Variants in SERTM1 observed in about 807,000 individuals in gnomAD.
SERTM1 encodes serine-rich and transmembrane domain-containing protein 1.
Under a neutral mutation model 5.5 loss-of-function variants are expected in SERTM1, and 1 was observed. The ratio of observed to expected loss-of-function variants is 0.18; its 90% CI spans 0.06 to 0.86. SERTM1 has a LOEUF of 0.86. Among genes scored for constraint, SERTM1 ranks in the 40% least tolerant of loss-of-function variants. The pLI is 0.69. For synonymous variants in SERTM1, 52 were observed against 55.1 expected (o/e 0.94, Z 0.25); for missense variants, 91 against 122.4 (o/e 0.74, Z 1.21).
Position 36,678,679 on chromosome 13 carries a change from T to TTATATATATATATATATATATA in SERTM1, c.-174+4511_-174+4512insTATATATATATATATATATATA, listed in dbSNP as rs765476413. ...CCTGGAACTTAAAATAAAATAAAAT[T>TTATATATATATATATATATATA]TATATATATATATATAAAATATAGT... On this transcript the variant is annotated intron_variant, in intron 1 of 1. Transcript: ENST00000315190. 9.0e-4 allele frequency among the ~76,000 whole-genome samples: 121 copies of TTATATATATATATATATATATA among 133,710 alleles called. 4 individuals carry two copies. Among genetic ancestry groups the TTATATATATATATATATATATA allele is most frequent in the African/African-American group, 1.7e-3 (62 of 35,528 alleles). 87.7% of individuals were successfully genotyped at this position (133,710 alleles called of 152,430 possible). A position where few individuals can be genotyped will look rare whatever the true frequency, so the allele number is the denominator to read the frequency against.
intron 1 of SERTM1, among the ~76,000 whole-genome samples, chr13:36,679,719 C>A (rs1486159605): frequency 6.6e-6 from 1 of 152,112 alleles, no homozygotes; most frequent in Non-Finnish European, 1.5e-5. Context: ...CTTAGTTACC[C>A]TTGAACACAT....
At chr13:36,675,706 C>T (rs565154112) in intron 1 of SERTM1, among the ~76,000 whole-genome samples, 29 of 152,270 alleles carry the variant, frequency 1.9e-4, no homozygotes, top group Non-Finnish European at 1.6e-4. Context: ...ATCTGTAAAG[C>T]AAATTGCCTT....
rs2056819836 is a variant in SERTM1 at position 36,697,145 on chromosome 13, A to C, written c.*1743A>C. On this transcript the variant is annotated 3_prime_UTR_variant, in exon 2 of 2. Transcript: ENST00000315190. Reference sequence around the variant, plus strand: ...CAGAGTTGCTGCCCTAAAATGTATAATTAGTGAAAAATTTACCTCTGCTTC... The same window carrying C: ...CAGAGTTGCTGCCCTAAAATGTATACTTAGTGAAAAATTTACCTCTGCTTC... 6.0e-6 allele frequency: 1 copy of C among 166,886 alleles called. No homozygotes were observed. The highest frequency in any genetic ancestry group is 1.5e-5 in the Non-Finnish European group (1 of 68,076). 10.3% of individuals were successfully genotyped at this position (166,886 alleles called of 1,614,324 possible).
At chr13:36,680,502 G>C (rs912941900) in intron 1 of SERTM1, among the ~76,000 whole-genome samples, 2 of 152,136 alleles carry the variant, frequency 1.3e-5, no homozygotes, top group African/African-American at 2.4e-5. Context: ...GGTTGGAAAG[G>C]GGGTGCTAGG....
chr13:36,679,079 CAT>C (rs1213347752), intron 1 of SERTM1, among the ~76,000 whole-genome samples: 1 of 152,010 alleles, frequency 6.6e-6, no homozygotes, highest in African/African-American at 2.4e-5. Context: ...ATCATAAAGA[CAT>C]AAGATATCAT....
chr13:36,689,444 G>T (rs539771869), intron 1 of SERTM1, among the ~76,000 whole-genome samples: 21 of 151,322 alleles, frequency 1.4e-4, no homozygotes, highest in Admixed American at 9.9e-4. Flanking sequence ...GGCAGAGGTT[G>T]CAGTGAGCCG....
intron 1 of SERTM1, among the ~76,000 whole-genome samples, chr13:36,675,456 C>T (rs750580963): frequency 1.3e-5 from 2 of 152,182 alleles, no homozygotes; most frequent in Non-Finnish European, 2.9e-5. Context: ...GCACAAGTGA[C>T]AGTCTTTTCT....
intron 1 of SERTM1, among the ~76,000 whole-genome samples, chr13:36,680,502 G>A (rs912941900): frequency 6.6e-6 from 1 of 152,254 alleles, no homozygotes; most frequent in South Asian, 2.1e-4. Flanking sequence ...GGTTGGAAAG[G>A]GGGTGCTAGG....
At position 36,691,380 on chromosome 13, in the gene SERTM1, G is replaced by A. The variant is rs559918354; in HGVS notation, c.-173-3526G>A. Among the ~76,000 whole-genome samples, 6 of 152,244 alleles carry A rather than the reference G, an allele frequency of 3.9e-5. No homozygotes were observed. The South Asian group carries it at 1.2e-3, about 32-fold the overall frequency. On this transcript the variant is annotated intron_variant, in intron 1 of 1. Transcript: ENST00000315190. The stretch of plus-strand genomic sequence containing the variant: ...AGACCCCAGGTGTGCGCTGTCTTAC[G>A]TTGTCTCTCTGTTTCCCCACCCCAC...
intron 1 of SERTM1, among the ~76,000 whole-genome samples, chr13:36,687,752 C>T (rs556580829): frequency 6.6e-6 from 1 of 152,180 alleles, no homozygotes; most frequent in East Asian, 1.9e-4. Flanking sequence ...AATACACACA[C>T]ACACACACGC....
chr13:36,683,491 T>C (rs893280126), intron 1 of SERTM1, among the ~76,000 whole-genome samples: 1 of 152,170 alleles, frequency 6.6e-6, no homozygotes, highest in African/African-American at 2.4e-5. Context: ...AGAATGATGC[T>C]ACAGTAACAA....
chr13:36,687,744 TAC>T (rs148142579), intron 1 of SERTM1, among the ~76,000 whole-genome samples: 4,140 of 151,012 alleles, frequency 0.027, 174 homozygotes, highest in African/African-American at 0.093. Flanking sequence ...AAATTAAAAA[TAC>T]ACACACACAC....
intron 1 of SERTM1, among the ~76,000 whole-genome samples, chr13:36,675,981 C>T (rs1052823790): frequency 6.6e-6 from 1 of 152,116 alleles, no homozygotes; most frequent in Non-Finnish European, 1.5e-5. Flanking sequence ...ATTAAAGAAA[C>T]CTGTTGTAAG....
rs1455492136 is a variant in SERTM1, at chr13:36,696,153, T to G, written c.*751T>G. 6.0e-6 allele frequency: 1 copy of G among 166,946 alleles called. No homozygotes were observed. The highest frequency in any genetic ancestry group is 1.5e-5 in the Non-Finnish European group (1 of 68,130). The allele number at this position is 166,946 out of a possible 1,614,324, so 10.3% of individuals were successfully genotyped here. A position where few individuals can be genotyped will look rare whatever the true frequency, so the allele number is the denominator to read the frequency against. On this transcript the variant is annotated 3_prime_UTR_variant, in exon 2 of 2. Coordinates refer to ENST00000315190, the MANE Select transcript of SERTM1 (RefSeq NM_203451.3). The stretch of plus-strand genomic sequence containing the variant: ...GTGGAATTTTTGTGATTAATTGCTG[T>G]TACTAGTACTAAGAGAAGCACCAGA...
intron 1 of SERTM1, among the ~76,000 whole-genome samples, chr13:36,676,106 T>C (rs2056668236): frequency 6.6e-6 from 1 of 152,204 alleles, no homozygotes; most frequent in Non-Finnish European, 1.5e-5. Context: ...ACTGTGTGAT[T>C]GCATGTGGCA....
At chr13:36,676,291 C>G (rs1016069337) in intron 1 of SERTM1, among the ~76,000 whole-genome samples, 2 of 151,808 alleles carry the variant, frequency 1.3e-5, no homozygotes, top group Non-Finnish European at 2.9e-5. Flanking sequence ...GAAAGACTAA[C>G]TCATCACAGG....
Position 36,697,278 on chromosome 13 carries a change from T to C in SERTM1, c.*1876T>C, listed in dbSNP as rs2056820945. 1 of 142,808 alleles carries C rather than the reference T, an allele frequency of 7.0e-6. No individual in the cohort carries two copies. Among genetic ancestry groups the C allele is most frequent in the African/African-American group, 3.0e-5 (1 of 33,786 alleles). 8.8% of individuals were successfully genotyped at this position (142,808 alleles called of 1,614,324 possible). On this transcript the variant is annotated 3_prime_UTR_variant, in exon 2 of 2. Coordinates refer to ENST00000315190, the MANE Select transcript of SERTM1 (RefSeq NM_203451.3). ...AGCATTCTCTGAATATATGTATATA[T>C]ACATATATATACGCACACACACACA...
chr13:36,680,300 T>C (rs1184986187), intron 1 of SERTM1, among the ~76,000 whole-genome samples: 1 of 152,200 alleles, frequency 6.6e-6, no homozygotes, highest in Non-Finnish European at 1.5e-5. Context: ...TCTAAGATCT[T>C]TCAGTCTGTT....
intron 1 of SERTM1, among the ~76,000 whole-genome samples, chr13:36,680,492 G>T (rs1444680402): frequency 6.6e-6 from 1 of 152,162 alleles, no homozygotes; most frequent in African/African-American, 2.4e-5. Context: ...GTGGATTTAG[G>T]GTTGGAAAGG....
Sources: allele counts gnomAD v4.1 joint callset (sites outside exome capture counted in the v4.1 genomes callset), GRCh38; gene constraint gnomAD v4.1.1; transcripts MANE v1.5; gene names NCBI Gene and HGNC (gene_info 2026-07-23, HGNC 2026-07-21).